ABCA9: variants seen among roughly 807,000 people sequenced by gnomAD.
ABCA9 encodes the protein ATP-binding cassette sub-family A member 9.
ABCA9 carries 183 observed loss-of-function variants against 205.3 expected under a neutral mutation model. The ratio of observed to expected loss-of-function variants is 0.89; its 90% CI spans 0.79 to 1.01. The LOEUF (loss-of-function observed/expected upper bound fraction) is 1.01, where lower values mean the gene tolerates loss of function less well. ABCA9 is among the 50% of genes least tolerant of loss of function. The probability of loss-of-function intolerance (pLI) is 0.00; values close to 1 mark genes in which losing one functional copy is unlikely to be tolerated. For missense variants in ABCA9, 1,805 were observed against 1,912.4 expected (o/e 0.94, Z 1.05); for synonymous variants, 651 against 683.3 (o/e 0.95, Z 0.74).
chr17:69,060,198 G>T (rs778321244), intron 1 of ABCA9, among the ~76,000 whole-genome samples: 6 of 152,072 alleles, frequency 3.9e-5, no homozygotes, highest in Non-Finnish European at 5.9e-5. Flanking sequence ...ACTACCCACC[G>T]TAATAATATA....
chr17:68,995,013 C>CTAAGTTCTTCTA (rs1436158689), intron 26 of ABCA9, among the ~76,000 whole-genome samples: 7 of 152,210 alleles, frequency 4.6e-5, no homozygotes, highest in Non-Finnish European at 8.8e-5. Flanking sequence ...CCTCCCCTCA[C>CTAAGTTCTTCTA]ATTTTCTACT....
intron 37 of ABCA9, among the ~76,000 whole-genome samples, chr17:68,976,684 C>T (rs1394290830): frequency 1.3e-5 from 2 of 152,202 alleles, no homozygotes; most frequent in Non-Finnish European, 2.9e-5. Context: ...CTACATGACT[C>T]TACCCTCAAG....
At chr17:68,985,631 A>T (rs1286714076) in intron 32 of ABCA9, among the ~76,000 whole-genome samples, 1 of 152,030 alleles carries the variant, frequency 6.6e-6, no homozygotes, top group Non-Finnish European at 1.5e-5. Context: ...AAAAAACAAA[A>T]CAAACAAAAA....
chr17:69,048,101 C>G (rs1441013184), intron 3 of ABCA9, among the ~76,000 whole-genome samples: 1 of 152,102 alleles, frequency 6.6e-6, no homozygotes, highest in East Asian at 1.9e-4. Flanking sequence ...TGTGAGAACT[C>G]ACTATCATGA....
intron 17 of ABCA9, 108 bp downstream of exon 17, chr17:69,024,106 T>C: frequency 8.3e-7 from 1 of 1,208,120 alleles, no homozygotes; most frequent in Non-Finnish European, 1.2e-6. Context: ...AGTAAACGCA[T>C]TGTGCCATTC....
chr17:69,021,953 T>G (rs769271042), intron 17 of ABCA9, 92 bp from the exon 18 acceptor site: 7 of 1,084,240 alleles, frequency 6.5e-6, no homozygotes, highest in African/African-American at 1.6e-5. Flanking sequence ...ATAGGCCAAA[T>G]GTACTAATCA....
At chr17:69,063,609 G>GT (rs67440349), upstream of ABCA9, among the ~76,000 whole-genome samples, 264 of 144,598 alleles carry the variant, frequency 1.8e-3, 1 homozygote, top group African/African-American at 4.3e-3. Flanking sequence ...TTTTGTGTTT[G>GT]TTTTTTTTTG....
At chr17:69,050,074 TAA>T (rs2071851011) in intron 2 of ABCA9, among the ~76,000 whole-genome samples, 1 of 152,102 alleles carries the variant, frequency 6.6e-6, no homozygotes, top group Non-Finnish European at 1.5e-5. Flanking sequence ...AAGTCCTTTT[TAA>T]AAGAGTTATA....
chr17:69,074,433 T>C, the ABCA9 span, among the ~76,000 whole-genome samples: 20 of 152,148 alleles, frequency 1.3e-4, no homozygotes, highest in Non-Finnish European at 2.2e-4. Context: ...TGGGGGACTA[T>C]TGTTGCCATC....
intron 22 of ABCA9, 33 bp downstream of exon 22, chr17:69,016,220 G>T: frequency 7.0e-7 from 1 of 1,437,968 alleles, no homozygotes. Flanking sequence ...AACTTATCAT[G>T]GCACAGTATA....
chr17:69,017,632 T>C (rs755485868), intron 21 of ABCA9, 24 bp downstream of exon 21: 29 of 1,611,446 alleles, frequency 1.8e-5, no homozygotes, highest in Non-Finnish European at 2.5e-5. Context: ...TTTGGTGAAA[T>C]GCAGCAACTG....
At chr17:69,073,930 G>C in the ABCA9 span, among the ~76,000 whole-genome samples, 1,847 of 152,090 alleles carry the variant, frequency 0.012, 66 homozygotes, top group Admixed American at 0.083. Flanking sequence ...TTGAACTCGT[G>C]GTCCCAAGTG....
intron 8 of ABCA9, chr17:69,034,727 A>T (rs1402275673): frequency 6.6e-6 from 1 of 152,206 alleles, no homozygotes; most frequent in African/African-American, 2.4e-5. Context: ...ATGAAACAGT[A>T]AAATACTTCA....
intron 1 of ABCA9, chr17:69,051,495 A>G (rs559531981): frequency 3.0e-5 from 7 of 234,510 alleles, no homozygotes; most frequent in Non-Finnish European, 5.9e-5. Flanking sequence ...ACCCAGTCAC[A>G]TGGGTGATTC....
At chr17:69,014,343 T>C (rs548013735) in intron 22 of ABCA9, among the ~76,000 whole-genome samples, 1 of 152,214 alleles carries the variant, frequency 6.6e-6, no homozygotes, top group South Asian at 2.1e-4. Context: ...AGGCTCTGTG[T>C]AAAAGGTGCA....
chr17:69,003,497 T>C (rs2069973236), intron 25 of ABCA9, among the ~76,000 whole-genome samples: 1 of 134,736 alleles, frequency 7.4e-6, no homozygotes, highest in Admixed American at 7.6e-5. Context: ...ACTGTTAGTC[T>C]GATGGGCTTC....
rs2071305605 is a variant in ABCA9, at chr17:69,035,573, A to G, written c.942+87T>C. 4 of 1,525,986 alleles carry G rather than the reference A, an allele frequency of 2.6e-6. No homozygotes were observed. In the Admixed American group the frequency reaches 8.0e-5, roughly 30 times the overall value. The allele number at this position is 1,525,986 out of a possible 1,614,324, so 94.5% of individuals were successfully genotyped here. A position where few individuals can be genotyped will look rare whatever the true frequency, so the allele number is the denominator to read the frequency against. On this transcript the variant is annotated intron_variant, in intron 7 of 38. Transcript: ENST00000340001. ...ATGCAAATACTACAAAGAGAACAAA[A>G]GAGGTGAGACCAGAATTAGTGATAA...
intron 25 of ABCA9, 90 bp from the exon 26 acceptor site, chr17:68,996,104 G>A (rs751821357): frequency 6.4e-5 from 89 of 1,390,184 alleles, no homozygotes; most frequent in Non-Finnish European, 8.0e-5. Context: ...ATTTATAAAC[G>A]TTGTTATTTT....
At chr17:69,014,008 G>T (rs1176750995) in intron 22 of ABCA9, among the ~76,000 whole-genome samples, 1 of 152,040 alleles carries the variant, frequency 6.6e-6, no homozygotes, top group East Asian at 1.9e-4. Flanking sequence ...TTTAAAGGTG[G>T]GAATTCAGGT....
Sources: allele counts gnomAD v4.1 joint callset (sites outside exome capture counted in the v4.1 genomes callset), GRCh38; gene constraint gnomAD v4.1.1; transcripts MANE v1.5; gene names NCBI Gene and HGNC (gene_info 2026-07-23, HGNC 2026-07-21).